Variants in PMP22 observed in about 807,000 individuals in gnomAD.
PMP22 encodes the protein peripheral myelin protein 22.
A neutral mutation model predicts 18.9 loss-of-function variants in PMP22; 2 were observed. The observed-to-expected ratio is 0.11, with a 90% CI of 0.04 to 0.33. PMP22 has a LOEUF of 0.33. PMP22 is among the 10% of genes least tolerant of loss of function. The probability of loss-of-function intolerance (pLI) is 1.00; values close to 1 mark genes in which losing one functional copy is unlikely to be tolerated. For missense variants in PMP22, 169 were observed against 202.2 expected (o/e 0.84, Z 1.00); for synonymous variants, 95 against 89.2 (o/e 1.07, Z -0.37).
chr17:15,232,333 AC>A (rs1046442833), intron 4 of PMP22: 1 of 152,242 alleles, frequency 6.6e-6, no homozygotes, highest in African/African-American at 2.4e-5. Context: ...TAGTCTTGGA[AC>A]CAAAATGGGA....
At chr17:15,252,052 C>A in intron 3 of PMP22, among the ~76,000 whole-genome samples, 1 of 152,086 alleles carries the variant, frequency 6.6e-6, no homozygotes, top group South Asian at 2.1e-4. Context: ...CCTGTAAAAT[C>A]CAGAGCCATT....
intron 3 of PMP22, among the ~76,000 whole-genome samples, chr17:15,246,890 T>C (rs1297120475): frequency 6.7e-6 from 1 of 149,852 alleles, no homozygotes; most frequent in African/African-American, 2.5e-5. Flanking sequence ...GCCAACATGG[T>C]GAAACCCCGT....
intron 3 of PMP22, among the ~76,000 whole-genome samples, chr17:15,240,437 G>A (rs1221546040): frequency 8.1e-6 from 1 of 123,476 alleles, no homozygotes; most frequent in Non-Finnish European, 1.6e-5. Flanking sequence ...GGTCAACTCT[G>A]ATCATGGCCA....
At chr17:15,242,251 CAAAAAAAAAAAAAA>C (rs59075019) in intron 3 of PMP22, among the ~76,000 whole-genome samples, 1 of 54,778 alleles carries the variant, frequency 1.8e-5, no homozygotes, top group African/African-American at 6.7e-5. Flanking sequence ...GACTCTGTCT[CAAAAAAAAAAAAAA>C]AAAAAAAAAA....
intron 3 of PMP22, among the ~76,000 whole-genome samples, chr17:15,239,897 T>G (rs1273259666): frequency 6.6e-6 from 1 of 152,236 alleles, no homozygotes; most frequent in Non-Finnish European, 1.5e-5. Flanking sequence ...ATGTACACAT[T>G]ACATACATAT....
At chr17:15,241,467 T>C (rs1907306977) in intron 3 of PMP22, among the ~76,000 whole-genome samples, 1 of 152,250 alleles carries the variant, frequency 6.6e-6, no homozygotes, top group African/African-American at 2.4e-5. Flanking sequence ...TGTCCTTCCA[T>C]GTGCATGTTC....
intron 1 of PMP22, 99 bp from the exon 2 acceptor site, chr17:15,260,860 T>A (rs1909273876): frequency 2.3e-6 from 2 of 861,334 alleles, no homozygotes; most frequent in South Asian, 2.9e-5. Context: ...AGGCCCGGCC[T>A]GGCCCAGCGC....
At chr17:15,254,215 G>A (rs1450918096) in intron 3 of PMP22, among the ~76,000 whole-genome samples, 1 of 152,192 alleles carries the variant, frequency 6.6e-6, no homozygotes, top group African/African-American at 2.4e-5. Context: ...GTTTCAAAAT[G>A]AGGAGTGATA....
chr17:15,233,010 T>C (rs1338113604), intron 4 of PMP22, among the ~76,000 whole-genome samples: 4 of 152,222 alleles, frequency 2.6e-5, no homozygotes, highest in Non-Finnish European at 5.9e-5. Context: ...ATGAGACTGA[T>C]GTTTTAGGGA....
chr17:15,246,511 T>C (rs186322019), intron 3 of PMP22, among the ~76,000 whole-genome samples: 18 of 152,354 alleles, frequency 1.2e-4, no homozygotes, highest in African/African-American at 4.3e-4. Context: ...TACAAACCTG[T>C]TCTATTTAGA....
intron 3 of PMP22, among the ~76,000 whole-genome samples, chr17:15,256,185 C>G (rs1215558379): frequency 6.6e-6 from 1 of 151,556 alleles, no homozygotes; most frequent in Non-Finnish European, 1.5e-5. Flanking sequence ...AGCCTGGGGG[C>G]AAGATCTGGT....
At chr17:15,253,254 CTT>C (rs745738239) in intron 3 of PMP22, among the ~76,000 whole-genome samples, 58 of 152,284 alleles carry the variant, frequency 3.8e-4, no homozygotes, top group Middle Eastern at 3.4e-3. Flanking sequence ...GCTCCACTCT[CTT>C]AATCAAGGCA....
chr17:15,240,796 G>C (rs1907254937), intron 3 of PMP22, among the ~76,000 whole-genome samples: 1 of 152,156 alleles, frequency 6.6e-6, no homozygotes, highest in Non-Finnish European at 1.5e-5. Flanking sequence ...TTTCAGCTCA[G>C]TAACTGCCAT....
intron 3 of PMP22, among the ~76,000 whole-genome samples, chr17:15,245,180 G>A (rs184609277): frequency 3.3e-4 from 51 of 152,298 alleles, no homozygotes; most frequent in African/African-American, 1.2e-3. Context: ...AGCTCTCGTT[G>A]TTGCTCAAAG....
intron 3 of PMP22, among the ~76,000 whole-genome samples, chr17:15,242,859 A>AT (rs1195157654): frequency 2.6e-5 from 4 of 152,196 alleles, no homozygotes; most frequent in African/African-American, 9.6e-5. Context: ...ACATATACCT[A>AT]AAGGCAAACA....
At chr17:15,248,538 T>C (rs974290884) in intron 3 of PMP22, among the ~76,000 whole-genome samples, 8 of 152,178 alleles carry the variant, frequency 5.3e-5, no homozygotes, top group African/African-American at 1.9e-4. Flanking sequence ...TTTGGACTTC[T>C]AAAGGGAATA....
intron 1 of PMP22, among the ~76,000 whole-genome samples, chr17:15,264,780 C>G (rs1244069008): frequency 6.6e-6 from 1 of 152,178 alleles, no homozygotes; most frequent in Non-Finnish European, 1.5e-5. Flanking sequence ...ACACCCAGAG[C>G]CCGGCTGGCC....
chr17:15,253,856 T>C (rs1053928248), intron 3 of PMP22, among the ~76,000 whole-genome samples: 1 of 152,218 alleles, frequency 6.6e-6, no homozygotes, highest in Non-Finnish European at 1.5e-5. Context: ...CCCTGTCTTA[T>C]ATAGTTCTTA....
intron 1 of PMP22, 53 bp from the exon 2 acceptor site, chr17:15,260,814 G>GGCGCGCGCAGAGGGAGGGTC: frequency 1.6e-6 from 2 of 1,236,836 alleles, no homozygotes; most frequent in Non-Finnish European, 1.2e-6. Flanking sequence ...GAGCGACGGA[G>GGCGCGCGCAGAGGGAGGGTC]GCGCGCGCAG....
Sources: allele counts gnomAD v4.1 joint callset (sites outside exome capture counted in the v4.1 genomes callset), GRCh38; gene constraint gnomAD v4.1.1; transcripts MANE v1.5; gene names NCBI Gene and HGNC (gene_info 2026-07-23, HGNC 2026-07-21).